The following MECR variants were observed in gnomAD, a reference collection of about 807,000 sequenced individuals.
MECR encodes the protein mitochondrial trans-2-enoyl-CoA reductase.
MECR carries 37 observed loss-of-function variants against 49.1 expected under a neutral mutation model. That is an observed-to-expected ratio of 0.75 (90% confidence interval 0.58 to 0.99). The LOEUF (loss-of-function observed/expected upper bound fraction) is 0.99. Among genes scored for constraint, MECR ranks in the 50% least tolerant of loss-of-function variants. MECR has a pLI of 0.00. For missense variants in MECR, 470 were observed against 479.6 expected (o/e 0.98, Z 0.19); for synonymous variants, 198 against 191.1 (o/e 1.04, Z -0.30).
intron 1 of MECR, chr1:29,228,982 T>A (rs1156813572): frequency 6.6e-6 from 1 of 152,196 alleles, no homozygotes; most frequent in Non-Finnish European, 1.5e-5. Flanking sequence ...GGAGGAGTGT[T>A]CATCAGAGCT....
At chr1:29,213,675 G>C (rs1221331424) in intron 3 of MECR, among the ~76,000 whole-genome samples, 4 of 152,260 alleles carry the variant, frequency 2.6e-5, no homozygotes, top group Non-Finnish European at 5.9e-5. Flanking sequence ...ACCTCAGGCT[G>C]CTGGTGGCCA....
intron 4 of MECR, among the ~76,000 whole-genome samples, chr1:29,203,542 T>G (rs1319871150): frequency 6.6e-6 from 1 of 152,262 alleles, no homozygotes; most frequent in African/African-American, 2.4e-5. Flanking sequence ...TTTTATGTCC[T>G]CAAGTCTTTA....
At chr1:29,223,872 G>C (rs538668826) in intron 1 of MECR, 20 of 152,332 alleles carry the variant, frequency 1.3e-4, no homozygotes, top group African/African-American at 4.6e-4. Context: ...GGCTCTCGGG[G>C]AGAGCTCCTT....
intron 1 of MECR, chr1:29,223,238 C>T (rs1681204415): frequency 1.0e-6 from 1 of 985,350 alleles, no homozygotes; most frequent in Non-Finnish European, 1.2e-6. Context: ...CACAATGGCT[C>T]CTTTGAGGCC....
chr1:29,221,401 G>A (rs1221656991), intron 1 of MECR, among the ~76,000 whole-genome samples: 1 of 152,152 alleles, frequency 6.6e-6, no homozygotes, highest in Non-Finnish European at 1.5e-5. Flanking sequence ...TAGTTTGAAG[G>A]ATAAATAGGC....
chr1:29,223,013 A>G (rs1272251351), intron 1 of MECR: 4 of 852,126 alleles, frequency 4.7e-6, no homozygotes, highest in South Asian at 1.1e-4. Context: ...TAATGATAGC[A>G]ATTTCTTCCC....
downstream of MECR, among the ~76,000 whole-genome samples, chr1:29,187,970 G>A (rs138418897): frequency 0.017 from 2,331 of 137,880 alleles, 49 homozygotes; most frequent in South Asian, 0.091. Context: ...CCAGGAGGCG[G>A]AGCTTGCAGT....
At chr1:29,168,029 T>TAAA in the MECR span, among the ~76,000 whole-genome samples, 2 of 141,126 alleles carry the variant, frequency 1.4e-5, no homozygotes, top group African/African-American at 5.2e-5. Flanking sequence ...TTTTTTTTTT[T>TAAA]AAAAAAAACA....
intron 9 of MECR, among the ~76,000 whole-genome samples, 163 bp downstream of exon 9, chr1:29,195,778 A>G (rs1486635701): frequency 6.6e-6 from 1 of 152,114 alleles, no homozygotes; most frequent in African/African-American, 2.4e-5. Flanking sequence ...TTAGTCCAAT[A>G]ACTGTTTGCT....
At chr1:29,178,063 C>CTAA in the MECR span, among the ~76,000 whole-genome samples, 1 of 151,760 alleles carries the variant, frequency 6.6e-6, no homozygotes, top group African/African-American at 2.4e-5. Flanking sequence ...CCACACCCAG[C>CTAA]TAATCTTTGT....
At chr1:29,191,274 A>T (rs561734453), downstream of MECR, among the ~76,000 whole-genome samples, 3 of 152,080 alleles carry the variant, frequency 2.0e-5, no homozygotes, top group East Asian at 3.9e-4. Flanking sequence ...CACTCTCCCT[A>T]AACCCCAACC....
Position 29,225,989 on chromosome 1 carries a change from C to T in MECR, c.176+4742G>A, listed in dbSNP as rs547074121. On this transcript the variant is annotated intron_variant, in intron 1 of 9. Transcript: ENST00000263702. ...TTCAAGACCAGCCTGGCCAACATGG[C>T]GAAACCCTGTCTTCACTAAAAATAC... Among the ~76,000 whole-genome samples the T allele has an allele frequency of 5.3e-4, 80 of 151,946 alleles. 1 individual carries two copies. Among genetic ancestry groups the T allele is most frequent in the Admixed American group, 7.2e-4 (11 of 15,256 alleles).
chr1:29,182,950 G>A, the MECR span, among the ~76,000 whole-genome samples: 5 of 152,220 alleles, frequency 3.3e-5, no homozygotes, highest in East Asian at 1.9e-4. Flanking sequence ...TTGGAACAGT[G>A]TCTGAAACAT....
chr1:29,175,237 AC>A, the MECR span, among the ~76,000 whole-genome samples: 1 of 148,574 alleles, frequency 6.7e-6, no homozygotes, highest in Non-Finnish European at 1.5e-5. Context: ...ACGTGGTGAA[AC>A]CCCGTTTCTA....
chr1:29,182,297 G>A, the MECR span, among the ~76,000 whole-genome samples: 9 of 152,252 alleles, frequency 5.9e-5, no homozygotes, highest in Middle Eastern at 0.017. Flanking sequence ...CGATGTCTCG[G>A]ACCCTCCTTT....
intron 1 of MECR, chr1:29,220,917 T>C: frequency 1.0e-6 from 1 of 985,334 alleles, no homozygotes; most frequent in Non-Finnish European, 1.2e-6. Flanking sequence ...TCCCTGGTTA[T>C]ACCTCTGAAA....
At chr1:29,168,474 TAA>T in the MECR span, 112 of 152,062 alleles carry the variant, frequency 7.4e-4, no homozygotes, top group African/African-American at 2.6e-3. Flanking sequence ...TATAATGGGG[TAA>T]AGTCTCTAGA....
intron 1 of MECR, among the ~76,000 whole-genome samples, chr1:29,226,062 A>T (rs1313734783): frequency 6.6e-6 from 1 of 150,444 alleles, no homozygotes; most frequent in Non-Finnish European, 1.5e-5. Flanking sequence ...CCAGCTACTC[A>T]GGAGGCTGAG....
intron 5 of MECR, among the ~76,000 whole-genome samples, chr1:29,202,425 G>A (rs565335264): frequency 6.6e-6 from 1 of 152,310 alleles, no homozygotes; most frequent in South Asian, 2.1e-4. Flanking sequence ...GACCAGGAGT[G>A]GCTCTGGGTC....
Sources: gnomAD v4.1 joint callset for allele counts (sites outside exome capture counted in the v4.1 genomes callset) on GRCh38, gnomAD v4.1.1 for gene constraint, MANE v1.5 for transcripts, NCBI Gene and HGNC (gene_info 2026-07-23, HGNC 2026-07-21) for gene names.